COP1: variants seen among roughly 807,000 people sequenced by gnomAD.
COP1 encodes COP1 E3 ubiquitin ligase, also known as E3 ubiquitin-protein ligase COP1.
In COP1, 24 loss-of-function variants were observed where a neutral mutation model predicts 101.3. That is an observed-to-expected ratio of 0.24 (90% confidence interval 0.17 to 0.33). The LOEUF is 0.33. Ranked by LOEUF, COP1 falls within the 10% of genes least tolerant of loss-of-function variation. The probability of loss-of-function intolerance (pLI) is 1.00; values close to 1 mark genes in which losing one functional copy is unlikely to be tolerated. For missense variants in COP1, 663 were observed against 906.2 expected, an observed-to-expected ratio of 0.73 and a Z score of 3.45; for synonymous variants, 347 against 341.9, an observed-to-expected ratio of 1.01 and a Z score of -0.17.
intron 5 of COP1, among the ~76,000 whole-genome samples, chr1:176,152,526 C>A (rs1418833764): frequency 6.6e-6 from 1 of 151,990 alleles, no homozygotes; most frequent in Admixed American, 6.6e-5. Context: ...CAGCTCACTG[C>A]AGCCTCCGCT....
intron 9 of COP1, among the ~76,000 whole-genome samples, chr1:176,103,179 C>G (rs776714287): frequency 3.3e-5 from 5 of 152,134 alleles, no homozygotes; most frequent in Non-Finnish European, 7.4e-5. Context: ...TTGGAGTTTC[C>G]TGAGTGATAT....
chr1:176,115,373 C>A (rs923631597), intron 9 of COP1, among the ~76,000 whole-genome samples: 1 of 152,096 alleles, frequency 6.6e-6, no homozygotes, highest in Non-Finnish European at 1.5e-5. Flanking sequence ...TCGCTTGAAC[C>A]CAGAAGGCAG....
At chr1:176,005,170 T>A (rs1199644663) in intron 15 of COP1, among the ~76,000 whole-genome samples, 3 of 152,198 alleles carry the variant, frequency 2.0e-5, no homozygotes, top group Admixed American at 2.0e-4. Context: ...CTGATGGTAG[T>A]TTGTATTTCT....
intron 15 of COP1, among the ~76,000 whole-genome samples, chr1:176,011,215 GTTAT>G (rs1230212499): frequency 1.3e-5 from 2 of 152,228 alleles, no homozygotes; most frequent in South Asian, 2.1e-4. Flanking sequence ...GCCACATGTG[GTTAT>G]TTAAGTTATA....
intron 3 of COP1, among the ~76,000 whole-genome samples, chr1:176,164,182 C>T (rs1021470437): frequency 1.1e-4 from 16 of 152,184 alleles, no homozygotes; most frequent in Non-Finnish European, 2.9e-5. Flanking sequence ...GAGAAATCCT[C>T]ATTCACCATG....
chr1:176,046,291 C>T lies in COP1; in HGVS notation c.1311G>A (p.Ala437=), dbSNP rs376480344. The change falls in exon 12 of 20, where the codon GCG becomes GCA. Residue 437 remains alanine, a synonymous_variant. Coordinates refer to ENST00000367669, the MANE Select transcript of COP1 (RefSeq NM_022457.7). ...TAATCTTCTTTGTAACTCCAGCAAT[C>T]GCAAAATAGTCACAATCCCGGTCAA... is the stretch of plus-strand genomic sequence containing the variant. ...IEFDRDCDYF[A]IAGVTKKIKV... 7.5e-6 allele frequency: 12 copies of T among 1,609,908 alleles called. No individual in the cohort carries two copies. The highest frequency in any genetic ancestry group is 5.4e-5 in the African/African-American group (4 of 74,684).
intron 15 of COP1, among the ~76,000 whole-genome samples, chr1:176,000,552 C>T (rs866488871): frequency 4.6e-5 from 7 of 151,952 alleles, no homozygotes; most frequent in Admixed American, 1.3e-4. Flanking sequence ...CCATTTTAAT[C>T]TTATGGGACC....
rs79391253 is a variant in COP1 at position 176,200,417 on chromosome 1, T to G, written c.407+6155A>C. On this transcript the variant is annotated intron_variant, in intron 1 of 19. Transcript: ENST00000367669. ...ATCTCTATTTAGAGCCAAATGCCCATCTGTGAATTAATACTAAAGACAGAG... is the reference window on the plus strand; with the variant it reads ...ATCTCTATTTAGAGCCAAATGCCCAGCTGTGAATTAATACTAAAGACAGAG... Among the ~76,000 whole-genome samples, 9 of 152,178 alleles carry G rather than the reference T, an allele frequency of 5.9e-5. 1 individual carries two copies. In the South Asian group the frequency reaches 1.9e-3, roughly 31 times the overall value.
intron 9 of COP1, among the ~76,000 whole-genome samples, chr1:176,101,602 G>T (rs1230202681): frequency 6.6e-6 from 1 of 152,158 alleles, no homozygotes; most frequent in Non-Finnish European, 1.5e-5. Context: ...TGCCAGCAAA[G>T]GGTAAAAGTT....
At chr1:176,122,339 A>G (rs1193429186) in intron 8 of COP1, among the ~76,000 whole-genome samples, 1 of 152,190 alleles carries the variant, frequency 6.6e-6, no homozygotes, top group African/African-American at 2.4e-5. Context: ...CATCAGTTTT[A>G]TACGATACAT....
chr1:176,151,852 T>C (rs1426236838), intron 5 of COP1, among the ~76,000 whole-genome samples: 1 of 152,142 alleles, frequency 6.6e-6, no homozygotes, highest in Non-Finnish European at 1.5e-5. Context: ...AAATGAGTAA[T>C]TTGGTCCTTA....
At chr1:176,000,056 G>T (rs1260049763) in intron 15 of COP1, among the ~76,000 whole-genome samples, 2 of 151,982 alleles carry the variant, frequency 1.3e-5, no homozygotes, top group African/African-American at 4.8e-5. Context: ...CCATTCTGTG[G>T]GTTGTCTCTG....
intron 1 of COP1, among the ~76,000 whole-genome samples, chr1:176,197,932 A>G (rs1442688914): frequency 6.6e-6 from 1 of 152,194 alleles, no homozygotes; most frequent in Non-Finnish European, 1.5e-5. Flanking sequence ...TAAAATACTT[A>G]GGGGTAAATT....
intron 18 of COP1, among the ~76,000 whole-genome samples, chr1:175,954,491 C>T (rs534288033): frequency 4.6e-5 from 7 of 151,634 alleles, no homozygotes; most frequent in Non-Finnish European, 1.0e-4. Flanking sequence ...TGAAAAAAAT[C>T]AATAAAATTG....
intron 15 of COP1, among the ~76,000 whole-genome samples, chr1:176,000,934 C>G (rs1054939967): frequency 6.6e-6 from 1 of 152,114 alleles, no homozygotes; most frequent in South Asian, 2.1e-4. Flanking sequence ...AATACTATGT[C>G]AAAATTCTGC....
chr1:176,178,166 G>C (rs1478749909), intron 2 of COP1, among the ~76,000 whole-genome samples: 2 of 152,152 alleles, frequency 1.3e-5, no homozygotes, highest in South Asian at 2.1e-4. Flanking sequence ...TTACAAGGAA[G>C]AAGCATAACG....
At chr1:176,072,598 CAT>C (rs778243678) in intron 11 of COP1, among the ~76,000 whole-genome samples, 26 of 152,166 alleles carry the variant, frequency 1.7e-4, no homozygotes, top group Non-Finnish European at 3.5e-4. Flanking sequence ...TCTTAAAAAT[CAT>C]ATCCATTCCT....
At chr1:176,058,724 C>T (rs1674291288) in intron 11 of COP1, among the ~76,000 whole-genome samples, 1 of 151,298 alleles carries the variant, frequency 6.6e-6, no homozygotes, top group African/African-American at 2.4e-5. Flanking sequence ...GCCAAATCCC[C>T]CTCTGCGAGA....
intron 18 of COP1, among the ~76,000 whole-genome samples, chr1:175,975,467 T>C (rs1212024394): frequency 6.6e-6 from 1 of 152,176 alleles, no homozygotes; most frequent in Non-Finnish European, 1.5e-5. Flanking sequence ...TGGAGTGCAG[T>C]GCCACGATCT....
Sources: allele counts gnomAD v4.1 joint callset (sites outside exome capture counted in the v4.1 genomes callset), GRCh38; gene constraint gnomAD v4.1.1; transcripts MANE v1.5; gene names NCBI Gene and HGNC (gene_info 2026-07-23, HGNC 2026-07-21).